The following CIB1 variants were observed in gnomAD, a reference collection of about 807,000 sequenced individuals.
The protein encoded by CIB1 is calcium and integrin binding 1, also known as calcium and integrin-binding protein 1.
A neutral mutation model predicts 25.0 loss-of-function variants in CIB1; 19 were observed. The ratio of observed to expected loss-of-function variants is 0.76; its 90% CI spans 0.53 to 1.12. The LOEUF is 1.12. Among genes scored for constraint, CIB1 ranks in the 50% most tolerant of loss-of-function variants. CIB1 has a pLI of 0.00. For synonymous variants in CIB1, 104 were observed against 98.5 expected (o/e 1.06, Z -0.33); for missense variants, 236 against 242.6 (o/e 0.97, Z 0.18).
the CIB1 span, chr15:90,263,920 C>T: frequency 1.5e-5 from 22 of 1,439,380 alleles, no homozygotes; most frequent in Non-Finnish European, 2.1e-5. Flanking sequence ...TGCTGCAATC[C>T]CACATGTTCC....
the CIB1 span, among the ~76,000 whole-genome samples, chr15:90,264,214 C>T: frequency 6.6e-6 from 1 of 151,776 alleles, no homozygotes; most frequent in East Asian, 1.9e-4. Flanking sequence ...TTTTTTGAGA[C>T]AAGGTCACGC....
the CIB1 span, chr15:90,263,266 G>A: frequency 2.2e-6 from 2 of 889,138 alleles, no homozygotes; most frequent in Non-Finnish European, 3.3e-6. Flanking sequence ...GCCTGGGAAA[G>A]CAGAGTGCGC....
the CIB1 span, among the ~76,000 whole-genome samples, chr15:90,261,001 G>A: frequency 1.3e-5 from 2 of 152,066 alleles, no homozygotes; most frequent in Non-Finnish European, 2.9e-5. Flanking sequence ...TAATTGCATA[G>A]TAAGATTATG....
the CIB1 span, chr15:90,262,490 A>G: frequency 6.8e-7 from 1 of 1,477,036 alleles, no homozygotes; most frequent in Non-Finnish European, 8.9e-7. Context: ...GTGTCTTGTC[A>G]GGCAGCAACT....
chr15:90,253,533 T>G, the CIB1 span, among the ~76,000 whole-genome samples: 1 of 152,192 alleles, frequency 6.6e-6, no homozygotes, highest in Non-Finnish European at 1.5e-5. Context: ...GATCTCCTCT[T>G]GGAGATTGTG....
the CIB1 span, chr15:90,256,191 T>G: frequency 6.2e-7 from 1 of 1,614,152 alleles, no homozygotes; most frequent in Non-Finnish European, 8.5e-7. Context: ...CGCACATATA[T>G]CTGCAAGCCA....
the CIB1 span, chr15:90,249,918 G>C: frequency 2.0e-5 from 3 of 151,924 alleles, no homozygotes; most frequent in African/African-American, 7.3e-5. Flanking sequence ...GGCCAGCGTA[G>C]GGGGCTTTTG....
chr15:90,262,070 C>G, the CIB1 span: 1 of 1,536,012 alleles, frequency 6.5e-7, no homozygotes, highest in Non-Finnish European at 8.7e-7. Context: ...GGATTCTCAC[C>G]TGGGAAAATA....
At chr15:90,256,747 G>A in the CIB1 span, among the ~76,000 whole-genome samples, 1 of 151,554 alleles carries the variant, frequency 6.6e-6, no homozygotes. Flanking sequence ...GGAGTGCAGC[G>A]GCACGATCTC....
chr15:90,254,188 G>GTTGTTGT, the CIB1 span, among the ~76,000 whole-genome samples: 879 of 104,000 alleles, frequency 8.5e-3, 10 homozygotes, highest in Middle Eastern at 0.027. Flanking sequence ...GTGAGACCCT[G>GTTGTTGT]TTTTTTTTTT....
At chr15:90,258,046 C>T in the CIB1 span, 21 of 1,613,746 alleles carry the variant, frequency 1.3e-5, no homozygotes, top group Admixed American at 3.3e-5. Flanking sequence ...AGGAAGCTGT[C>T]GACACTCAAC....
chr15:90,237,266 T>C (rs1212439145), upstream of CIB1, among the ~76,000 whole-genome samples: 1 of 146,416 alleles, frequency 6.8e-6, no homozygotes, highest in East Asian at 2.0e-4. Context: ...GACTTTATTG[T>C]AATTTTCTTT....
At chr15:90,232,844 TCACTTGAACCC>T (rs1389355692) in intron 2 of CIB1, among the ~76,000 whole-genome samples, 2 of 84,422 alleles carry the variant, frequency 2.4e-5, no homozygotes, top group African/African-American at 3.9e-5. Flanking sequence ...GGCAGGAGAA[TCACTTGAACCC>T]GGAGGCAGAG....
At chr15:90,256,613 C>CT in the CIB1 span, among the ~76,000 whole-genome samples, 428 of 48,274 alleles carry the variant, frequency 8.9e-3, 7 homozygotes, top group African/African-American at 0.045. Flanking sequence ...TTCTTTCCTT[C>CT]CTTCCTTCCT....
chr15:90,256,605 C>CTT, the CIB1 span, among the ~76,000 whole-genome samples: 1 of 28,760 alleles, frequency 3.5e-5, no homozygotes, highest in Non-Finnish European at 6.5e-5. Context: ...TTCTTTCTTT[C>CTT]TTTCCTTCCT....
At chr15:90,261,584 G>A in the CIB1 span, among the ~76,000 whole-genome samples, 2 of 151,506 alleles carry the variant, frequency 1.3e-5, no homozygotes, top group African/African-American at 2.4e-5. Flanking sequence ...CTTGAGGTCC[G>A]GCCTTGCCAA....
the CIB1 span, chr15:90,263,721 G>A: frequency 1.5e-6 from 1 of 662,428 alleles, no homozygotes; most frequent in Non-Finnish European, 2.8e-6. Context: ...TGTGGTAAGG[G>A]GCTGCTCTTC....
intron 3 of CIB1, 124 bp from the exon 4 acceptor site, chr15:90,231,631 A>G: frequency 8.7e-7 from 1 of 1,153,428 alleles, no homozygotes; most frequent in Non-Finnish European, 1.2e-6. Flanking sequence ...GTGAACAGTC[A>G]GTGCTTTGGG....
the CIB1 span, chr15:90,264,053 C>T: frequency 2.0e-6 from 3 of 1,532,568 alleles, no homozygotes; most frequent in Non-Finnish European, 2.6e-6. Flanking sequence ...ATCAGGCTCA[C>T]TAGCCGTAAG....
Sources: allele counts gnomAD v4.1 joint callset (sites outside exome capture counted in the v4.1 genomes callset), GRCh38; gene constraint gnomAD v4.1.1; transcripts MANE v1.5; gene names NCBI Gene and HGNC (gene_info 2026-07-23, HGNC 2026-07-21).